PFKFB3: variants seen among roughly 807,000 people sequenced by gnomAD.
PFKFB3 encodes the protein 6-phosphofructo-2-kinase/fructose-2,6-biphosphatase 3, also known as 6-phosphofructo-2-kinase/fructose-2,6-bisphosphatase 3.
Under a neutral mutation model 68.0 loss-of-function variants are expected in PFKFB3, and 33 were observed. That is an observed-to-expected ratio of 0.49 (90% CI 0.37 to 0.65). PFKFB3 has a LOEUF of 0.65. Ranked by LOEUF, PFKFB3 falls within the 30% of genes least tolerant of loss-of-function variation. PFKFB3 has a pLI of 0.00. For missense variants in PFKFB3, 586 were observed against 712.2 expected (o/e 0.82, Z 2.02); for synonymous variants, 315 against 288.2 (o/e 1.09, Z -0.94).
At chr10:6,302,350 C>T in the PFKFB3 span, among the ~76,000 whole-genome samples, 1 of 137,824 alleles carries the variant, frequency 7.3e-6, no homozygotes, top group Non-Finnish European at 1.5e-5. Context: ...CCACTGCCAC[C>T]GTGCCTGGCC....
the PFKFB3 span, among the ~76,000 whole-genome samples, chr10:6,313,899 T>C: frequency 6.6e-6 from 1 of 152,206 alleles, no homozygotes; most frequent in East Asian, 1.9e-4. The surrounding 1 kb of genome is among the most constrained non-coding windows in gnomAD (Gnocchi z 4.2). Flanking sequence ...TCTCCACAGG[T>C]GCTCCCCCTG....
Position 6,234,752 on chromosome 10 carries a change from C to A in PFKFB3, c.*1810C>A, listed in dbSNP as rs1349550231. The A allele has an allele frequency of 2.0e-5, 3 of 152,234 alleles. No homozygotes were observed. Among genetic ancestry groups the A allele is most frequent in the African/African-American group, 7.2e-5 (3 of 41,400 alleles). 9.4% of individuals were successfully genotyped at this position (152,234 alleles called of 1,614,324 possible). On this transcript the variant is annotated 3_prime_UTR_variant, in exon 15 of 15. Transcript: ENST00000379775. ...CTCTTGAGAATAGTTTCTCGTGTCCCCCTCGCAGGCCTCATTCTTTGAACA... is the reference window on the plus strand; with the variant it reads ...CTCTTGAGAATAGTTTCTCGTGTCCACCTCGCAGGCCTCATTCTTTGAACA...
At chr10:6,177,227 G>T (rs1265357784) in intron 1 of PFKFB3, among the ~76,000 whole-genome samples, 1 of 152,162 alleles carries the variant, frequency 6.6e-6, no homozygotes, top group African/African-American at 2.4e-5. Context: ...TAGTTAGGAT[G>T]AAAATTCAGA....
the PFKFB3 span, among the ~76,000 whole-genome samples, chr10:6,319,343 A>G: frequency 3.6e-4 from 55 of 152,378 alleles, no homozygotes; most frequent in Non-Finnish European, 4.1e-4. Flanking sequence ...AAAAAGGATC[A>G]TGTCTTTTGC....
At chr10:6,153,888 C>T (rs528570999) in intron 1 of PFKFB3, among the ~76,000 whole-genome samples, 18 of 151,546 alleles carry the variant, frequency 1.2e-4, no homozygotes, top group South Asian at 2.1e-4. Flanking sequence ...AGTCAGGGAC[C>T]GGGAGGGAGG....
In PFKFB3 at chr10:6,216,652, G is replaced by A. The variant is rs182051414; in HGVS notation, c.367-54G>A. 1.6e-4 allele frequency: 195 copies of A among 1,219,300 alleles called. 1 individual carries two copies. In the Admixed American group the frequency reaches 3.0e-3, roughly 19 times the overall value. The allele number at this position is 1,219,300 out of a possible 1,614,324, so 75.5% of individuals were successfully genotyped here. A position where few individuals can be genotyped will look rare whatever the true frequency, so the allele number is the denominator to read the frequency against. On this transcript the variant is annotated intron_variant, in intron 4 of 14. Transcript: ENST00000379775. ...TGGCATCTTTGCTGTTCTGGTAAAC[G>A]TTGTTAAACTCAAACTTAGAGTTTT...
chr10:6,243,569 A>G (rs763994463), intron 14 of PFKFB3, among the ~76,000 whole-genome samples: 4 of 152,212 alleles, frequency 2.6e-5, no homozygotes, highest in Non-Finnish European at 4.4e-5. Context: ...CGCTCCCCAT[A>G]GAGGCTGAGA....
intron 1 of PFKFB3, chr10:6,145,149 G>A (rs1317765346): frequency 6.4e-6 from 4 of 629,006 alleles, no homozygotes; most frequent in South Asian, 5.8e-5. Context: ...GCCGCCCGGG[G>A]CCAAGCGAGA....
At chr10:6,316,549 G>A in the PFKFB3 span, among the ~76,000 whole-genome samples, 17 of 152,010 alleles carry the variant, frequency 1.1e-4, no homozygotes, top group Non-Finnish European at 2.2e-4. Flanking sequence ...TGTGATCTTG[G>A]CTCACTGCAA....
the PFKFB3 span, among the ~76,000 whole-genome samples, chr10:6,302,371 T>G: frequency 0.035 from 2,515 of 71,080 alleles, 301 homozygotes; most frequent in Middle Eastern, 0.11. Flanking sequence ...AGTTTTTTTT[T>G]TTTTTTTTTT....
downstream of PFKFB3, among the ~76,000 whole-genome samples, chr10:6,259,415 C>T (rs887014151): frequency 3.3e-5 from 5 of 151,754 alleles, no homozygotes; most frequent in Non-Finnish European, 5.9e-5. Context: ...TCCACCCATC[C>T]ATCTACTCAT....
intron 1 of PFKFB3, among the ~76,000 whole-genome samples, chr10:6,150,763 C>T (rs1420427864): frequency 6.6e-6 from 1 of 151,928 alleles, no homozygotes; most frequent in East Asian, 1.9e-4. Flanking sequence ...TTCGGGAGGC[C>T]GAGGCGAGTG....
intron 1 of PFKFB3, among the ~76,000 whole-genome samples, 176 bp from the exon 2 acceptor site, chr10:6,213,447 A>C (rs1844360388): frequency 6.6e-6 from 1 of 152,050 alleles, no homozygotes; most frequent in Non-Finnish European, 1.5e-5. Context: ...TTAAGTCTAG[A>C]GGTTTGAGGC....
chr10:6,154,856 G>A lies in PFKFB3; in HGVS notation c.16+9843G>A, dbSNP rs1402635135. On this transcript the variant is annotated intron_variant, in intron 1 of 14. Transcript: ENST00000379789. This position sits in a 1 kb window ranked among gnomAD's most constrained non-coding sequence, Gnocchi z 4.6. ...GGCCGAGGCGGTCGAGGCCTGGGTT[G>A]TAGTGAGCTGCGGGGAGCCCGCACT... is the stretch of plus-strand genomic sequence containing the variant. Among the ~76,000 whole-genome samples the A allele has an allele frequency of 6.6e-6, 1 of 152,238 alleles. No individual in the cohort carries two copies. The highest frequency in any genetic ancestry group is 1.5e-5 in the Non-Finnish European group (1 of 68,038).
chr10:6,180,337 C>T (rs896619960), intron 1 of PFKFB3, among the ~76,000 whole-genome samples: 12 of 152,156 alleles, frequency 7.9e-5, no homozygotes, highest in Admixed American at 6.5e-4. Flanking sequence ...CTAACATTAA[C>T]AACAGGCTTA....
chr10:6,202,220 C>T (rs143380391), upstream of PFKFB3, among the ~76,000 whole-genome samples: 60 of 152,352 alleles, frequency 3.9e-4, no homozygotes, highest in East Asian at 0.011. Flanking sequence ...GCCCCCTCCT[C>T]GTACCCAGCA....
Position 6,172,171 on chromosome 10 carries a change from C to A in PFKFB3, c.16+27158C>A, listed in dbSNP as rs115563270. ...CTGGGATCAGTTCCCATCAGGCATG[C>A]GGCTGTGCTTCTTGGTATCGATTTG... On this transcript the variant is annotated intron_variant, in intron 1 of 14. Coordinates refer to the PFKFB3 transcript ENST00000379789. 7.8e-3 allele frequency among the ~76,000 whole-genome samples: 1,187 copies of A among 152,348 alleles called. 25 individuals carry two copies. The highest frequency in any genetic ancestry group is 0.027 in the African/African-American group (1,129 of 41,580).
At chr10:6,257,728 G>T (rs1343022022), downstream of PFKFB3, among the ~76,000 whole-genome samples, 1 of 152,166 alleles carries the variant, frequency 6.6e-6, no homozygotes, top group African/African-American at 2.4e-5. Context: ...TCTGTGCATG[G>T]GATTTATTAT....
chr10:6,269,996 G>A, the PFKFB3 span, among the ~76,000 whole-genome samples: 1 of 152,080 alleles, frequency 6.6e-6, no homozygotes, highest in Non-Finnish European at 1.5e-5. Flanking sequence ...GCTGGGTGTG[G>A]TGGTGTGCAC....
Sources: allele counts gnomAD v4.1 joint callset (sites outside exome capture counted in the v4.1 genomes callset), GRCh38; gene constraint gnomAD v4.1.1; non-coding constraint Gnocchi (gnomAD v3.1); transcripts MANE v1.5; gene names NCBI Gene and HGNC (gene_info 2026-07-23, HGNC 2026-07-21).